The following TUBB8 variants were observed in gnomAD, a reference collection of about 807,000 sequenced individuals.
The protein encoded by TUBB8 is tubulin beta-8 chain.
TUBB8 carries 25 observed loss-of-function variants against 33.7 expected under a neutral mutation model. That is an observed-to-expected ratio of 0.74 (90% CI 0.54 to 1.04). The LOEUF (loss-of-function observed/expected upper bound fraction) is 1.04, where lower values mean the gene tolerates loss of function less well. Among genes scored for constraint, TUBB8 ranks in the 50% least tolerant of loss-of-function variants. TUBB8 has a pLI of 0.00. For missense variants in TUBB8, 279 were observed against 608.0 expected (o/e 0.46, Z 5.69); for synonymous variants, 245 against 240.1 (o/e 1.02, Z -0.19).
chr10:60,694 A>G (rs1370456396), intron 1 of TUBB8, among the ~76,000 whole-genome samples: 1 of 152,210 alleles, frequency 6.6e-6, no homozygotes, highest in Non-Finnish European at 1.5e-5. Flanking sequence ...TAGAACTAGA[A>G]ATACCATTTG....
rs530111185 is a variant in TUBB8 at position 49,047 on chromosome 10, C to T, written c.57+135G>A. 2.4e-3 allele frequency: 3,095 copies of T among 1,304,890 alleles called. 9 individuals carry two copies. Among genetic ancestry groups the T allele is most frequent in the Non-Finnish European group, 2.9e-3 (2,798 of 952,086 alleles). The allele number at this position is 1,304,890 out of a possible 1,614,324, so 80.8% of individuals were successfully genotyped here. A position where few individuals can be genotyped will look rare whatever the true frequency, so the allele number is the denominator to read the frequency against. On this transcript the variant is annotated intron_variant, in intron 1 of 3. Transcript: ENST00000568584. ...CCTGGGGTCCACCCCGGCCGCCTCG[C>T]CAGCCACCCGGTTCCACCGTCCCCG... is the stretch of plus-strand genomic sequence containing the variant.
At chr10:62,536 T>C (rs1554741036) in intron 1 of TUBB8, among the ~76,000 whole-genome samples, 1 of 152,268 alleles carries the variant, frequency 6.6e-6, no homozygotes, top group Non-Finnish European at 1.5e-5. Flanking sequence ...CACACCATAA[T>C]TACCATCTTA....
chr10:54,091 T>C (rs1834501412), upstream of TUBB8, among the ~76,000 whole-genome samples: 1 of 152,262 alleles, frequency 6.6e-6, no homozygotes, highest in Admixed American at 6.5e-5. Flanking sequence ...AATTATTTTT[T>C]TACCATAATC....
rs782787408 is a variant in TUBB8 at position 47,501 on chromosome 10, C to T, written c.891G>A (p.Lys297=). 1 of 1,612,194 alleles carries T rather than the reference C, an allele frequency of 6.2e-7. No homozygotes were observed. Among genetic ancestry groups the T allele is most frequent in the African/African-American group, 1.3e-5 (1 of 74,918 alleles). Residue 297 remains lysine, a synonymous_variant, in exon 4 of 4, where the codon AAG becomes AAA. Transcript: ENST00000568584. The part of the protein sequence containing the change: ...AELTQQMFDA[K]NMMAACDPRH... ...GGGGGTCACAGGCAGCCATCATGTT[C>T]TTAGCATCAAACATCTGCTGGGTAA...
chr10:59,727 T>C (rs1282067314), intron 1 of TUBB8, among the ~76,000 whole-genome samples: 21 of 152,366 alleles, frequency 1.4e-4, no homozygotes, highest in African/African-American at 5.0e-4. Flanking sequence ...CCTCAAAGAA[T>C]GAGTTTGGAA....
rs1554740580 is a variant in TUBB8, at chr10:59,301, G to C, written c.-845-9068C>G. On this transcript the variant is annotated intron_variant, in intron 1 of 3. Transcript: ENST00000564130. ...CCTCCCGGGTTCAAGCGATTCTCCT[G>C]CCTCAGCCTTCCAAGTAGCTGGGAT... Among the ~76,000 whole-genome samples the C allele has an allele frequency of 2.6e-5, 4 of 152,186 alleles. No homozygotes were observed. In the South Asian group the frequency reaches 8.3e-4, roughly 32 times the overall value.
At chr10:50,675 C>T (rs1291778420), upstream of TUBB8, among the ~76,000 whole-genome samples, 2 of 152,186 alleles carry the variant, frequency 1.3e-5, no homozygotes, top group African/African-American at 4.8e-5. Context: ...GCAGCATAAG[C>T]ATGAAGCACT....
intron 1 of TUBB8, among the ~76,000 whole-genome samples, chr10:71,427 A>C (rs1262498590): frequency 6.6e-6 from 1 of 151,564 alleles, no homozygotes; most frequent in Non-Finnish European, 1.5e-5. Context: ...TGAGGTCAGG[A>C]GTTCGAGACA....
chr10:50,565 C>G (rs1588274084), upstream of TUBB8, among the ~76,000 whole-genome samples: 1 of 152,136 alleles, frequency 6.6e-6, no homozygotes, highest in Admixed American at 6.5e-5. Flanking sequence ...TAATTATACT[C>G]ACTTTTTGGC....
chr10:60,156 G>C (rs1416191978), intron 1 of TUBB8, among the ~76,000 whole-genome samples: 2 of 151,680 alleles, frequency 1.3e-5, no homozygotes, highest in Non-Finnish European at 2.9e-5. Context: ...TTTGAGTTTG[G>C]TTTGGCCTTT....
At chr10:62,732 C>G (rs1834619075) in intron 1 of TUBB8, among the ~76,000 whole-genome samples, 1 of 152,238 alleles carries the variant, frequency 6.6e-6, no homozygotes, top group African/African-American at 2.4e-5. Context: ...ATTTCTCTGT[C>G]AAGTTTAAAG....
At chr10:75,429 T>C (rs1202605220), upstream of TUBB8, among the ~76,000 whole-genome samples, 1 of 150,796 alleles carries the variant, frequency 6.6e-6, no homozygotes, top group South Asian at 2.1e-4. Context: ...CAGAGGTGGG[T>C]GGATCACCTG....
chr10:65,752 T>C (rs1834662592), intron 1 of TUBB8, among the ~76,000 whole-genome samples: 1 of 152,122 alleles, frequency 6.6e-6, no homozygotes, highest in African/African-American at 2.4e-5. Flanking sequence ...ATAATAATAA[T>C]AATGCCCAAG....
upstream of TUBB8, chr10:49,309 C>A (rs797035342): frequency 1.3e-6 from 2 of 1,495,342 alleles, no homozygotes; most frequent in South Asian, 1.2e-5. Flanking sequence ...CCCAGCCCGC[C>A]CTCCGCCAAC....
chr10:63,262 G>C (rs1564210516), intron 1 of TUBB8, among the ~76,000 whole-genome samples: 1 of 152,172 alleles, frequency 6.6e-6, no homozygotes, highest in African/African-American at 2.4e-5. Flanking sequence ...ATTTTTAGTA[G>C]AGATGGGGTT....
chr10:64,277 A>T (rs1364015166), intron 1 of TUBB8, among the ~76,000 whole-genome samples: 1 of 136,626 alleles, frequency 7.3e-6, no homozygotes, highest in Non-Finnish European at 1.7e-5. Flanking sequence ...TCAAAGCCCT[A>T]GCCCTAGCCC....
intron 1 of TUBB8, among the ~76,000 whole-genome samples, chr10:60,231 G>C (rs1430356623): frequency 6.6e-6 from 1 of 151,828 alleles, no homozygotes; most frequent in Non-Finnish European, 1.5e-5. Context: ...TTTTTATATA[G>C]GCACTTACAG....
rs34751761 is a variant in TUBB8 at position 63,082 on chromosome 10, AT to A, written c.-846+10886del. The stretch of plus-strand genomic sequence containing the variant: ...TATTATTTCTTTAAATAAATGTTTA[AT>A]TTTTTTTTTTGATGGAGTCTCACTC... On this transcript the variant is annotated intron_variant, in intron 1 of 3. Coordinates refer to the TUBB8 transcript ENST00000564130. 3.5e-3 allele frequency among the ~76,000 whole-genome samples: 518 copies of A among 146,666 alleles called. 2 individuals carry two copies. Among genetic ancestry groups the A allele is most frequent in the African/African-American group, 0.012 (486 of 39,582 alleles).
At chr10:60,967 A>G (rs1190778804) in intron 1 of TUBB8, among the ~76,000 whole-genome samples, 9 of 151,692 alleles carry the variant, frequency 5.9e-5, no homozygotes, top group African/African-American at 1.9e-4. Context: ...TCAGTAAACT[A>G]TCGCAAGAAC....
Sources: allele counts gnomAD v4.1 joint callset (sites outside exome capture counted in the v4.1 genomes callset), GRCh38; gene constraint gnomAD v4.1.1; transcripts MANE v1.5; gene names NCBI Gene and HGNC (gene_info 2026-07-23, HGNC 2026-07-21).